The following RAPGEF6 variants were observed in gnomAD, a reference collection of about 807,000 sequenced individuals.
RAPGEF6 encodes Rap guanine nucleotide exchange factor 6.
A neutral mutation model predicts 171.4 loss-of-function variants in RAPGEF6; 56 were observed. The observed-to-expected ratio is 0.33, with a 90% CI of 0.26 to 0.41. The LOEUF (loss-of-function observed/expected upper bound fraction) is 0.41. Among genes scored for constraint, RAPGEF6 ranks in the 10% least tolerant of loss-of-function variants. RAPGEF6 has a pLI of 1.00. For synonymous variants in RAPGEF6, 692 were observed against 650.1 expected, an observed-to-expected ratio of 1.06 and a Z score of -0.98; for missense variants, 1,674 against 1,921.4, an observed-to-expected ratio of 0.87 and a Z score of 2.41.
At chr5:131,478,159 T>C (rs1755235945) in intron 16 of RAPGEF6, among the ~76,000 whole-genome samples, 2 of 152,044 alleles carry the variant, frequency 1.3e-5, no homozygotes, top group Admixed American at 6.5e-5. Flanking sequence ...GAGTTCCAAA[T>C]TAAATGAGGA....
intron 7 of RAPGEF6, among the ~76,000 whole-genome samples, chr5:131,518,892 T>C (rs553743127): frequency 2.0e-5 from 3 of 152,322 alleles, no homozygotes; most frequent in East Asian, 3.9e-4. Flanking sequence ...TTCCCACTTT[T>C]ATTGGTTAAT....
intron 6 of RAPGEF6, among the ~76,000 whole-genome samples, chr5:131,528,870 CAG>C (rs1759171601): frequency 7.2e-5 from 11 of 152,182 alleles, no homozygotes; most frequent in Middle Eastern, 6.8e-3. Context: ...AGGAAGTGAT[CAG>C]CTGTGTCAAG....
chr5:131,430,049 CAA>C (rs200813208), intron 26 of RAPGEF6, among the ~76,000 whole-genome samples: 16 of 86,296 alleles, frequency 1.9e-4, no homozygotes, highest in Admixed American at 1.4e-4. Flanking sequence ...GAGTCCATCT[CAA>C]AAAAAAAAAA....
Position 131,433,427 on chromosome 5 carries a change from T to C in RAPGEF6, c.3974+3A>G, listed in dbSNP as rs374719017. The C allele has an allele frequency of 1.9e-6, 3 of 1,604,962 alleles. No individual in the cohort carries two copies. The African/African-American group carries it at 4.0e-5, about 21-fold the overall frequency. ...TGTTATGAACACAGACAATGATGCTTACCCAGGGCCATGTTGACTATGATC... is the reference window on the plus strand; with the variant it reads ...TGTTATGAACACAGACAATGATGCTCACCCAGGGCCATGTTGACTATGATC... On this transcript the variant is annotated splice_donor_region_variant and intron_variant, in intron 25 of 27. Coordinates refer to ENST00000509018, the MANE Select transcript of RAPGEF6 (RefSeq NM_016340.6).
intron 4 of RAPGEF6, among the ~76,000 whole-genome samples, chr5:131,578,527 C>T (rs1447904536): frequency 6.6e-6 from 1 of 152,192 alleles, no homozygotes; most frequent in African/African-American, 2.4e-5. Flanking sequence ...AGCTGCCACA[C>T]TACTCCGCAT....
chr5:131,581,059 C>T lies in RAPGEF6; in HGVS notation c.281+11324G>A, dbSNP rs1394125595. 3.3e-5 allele frequency among the ~76,000 whole-genome samples: 5 copies of T among 152,254 alleles called. No individual in the cohort carries two copies. The East Asian group carries it at 5.8e-4, about 18-fold the overall frequency. ...CATCTCAACCTCTGTCACAACATTC[C>T]GCAGCCTCTCCAATGACTTCTCTGC... On this transcript the variant is annotated intron_variant, in intron 4 of 27. Coordinates refer to ENST00000509018, the MANE Select transcript of RAPGEF6 (RefSeq NM_016340.6).
rs971925002 is a variant in RAPGEF6 at position 131,603,387 on chromosome 5, T to A, written c.141-60A>T. On this transcript the variant is annotated intron_variant, in intron 2 of 27. Transcript: ENST00000509018. ...ATTTTGTTTTTAAAATTGTTATAATTTGACCTCAACTAATTATTATAATCT... is the reference window on the plus strand; with the variant it reads ...ATTTTGTTTTTAAAATTGTTATAATATGACCTCAACTAATTATTATAATCT... 3.5e-6 allele frequency: 4 copies of A among 1,148,896 alleles called. No individual in the cohort carries two copies. In the African/African-American group the frequency reaches 4.8e-5, roughly 14 times the overall value. 71.2% of individuals were successfully genotyped at this position (1,148,896 alleles called of 1,614,324 possible). A position where few individuals can be genotyped will look rare whatever the true frequency, so the allele number is the denominator to read the frequency against.
At chr5:131,509,420 G>C (rs999921746) in intron 8 of RAPGEF6, among the ~76,000 whole-genome samples, 1 of 152,028 alleles carries the variant, frequency 6.6e-6, no homozygotes, top group Non-Finnish European at 1.5e-5. Flanking sequence ...GCGGGCGCCT[G>C]TAGTCCCAGC....
intron 6 of RAPGEF6, among the ~76,000 whole-genome samples, chr5:131,531,171 C>T (rs1421556472): frequency 6.6e-6 from 1 of 152,176 alleles, no homozygotes; most frequent in Non-Finnish European, 1.5e-5. Context: ...GGATTTCTTC[C>T]TTAGTCACCA....
chr5:131,603,938 C>T (rs1764397913), intron 2 of RAPGEF6, among the ~76,000 whole-genome samples: 1 of 151,966 alleles, frequency 6.6e-6, no homozygotes, highest in Non-Finnish European at 1.5e-5. Context: ...GTGGTGGGAA[C>T]ACATGTTTAA....
intron 6 of RAPGEF6, among the ~76,000 whole-genome samples, chr5:131,540,366 A>G (rs1314845779): frequency 6.6e-6 from 1 of 152,182 alleles, no homozygotes; most frequent in Non-Finnish European, 1.5e-5. Context: ...CCAGGAGTTA[A>G]GACTAGCCTG....
At position 131,577,040 on chromosome 5, in the gene RAPGEF6, C is replaced by G. The variant is rs1762646440; in HGVS notation, c.282-14993G>C. ...GATTGACTTTACCCATATGCCCCGA[C>G]TCAAAAAACTAAGATACCTTTTGGT... On this transcript the variant is annotated intron_variant, in intron 4 of 27. Coordinates refer to ENST00000509018, the MANE Select transcript of RAPGEF6 (RefSeq NM_016340.6). 2.0e-5 allele frequency among the ~76,000 whole-genome samples: 3 copies of G among 152,186 alleles called. No homozygotes were observed. In the East Asian group the frequency reaches 5.8e-4, roughly 29 times the overall value.
intron 17 of RAPGEF6, among the ~76,000 whole-genome samples, chr5:131,466,045 A>C: frequency 6.6e-6 from 1 of 151,050 alleles, no homozygotes; most frequent in Non-Finnish European, 1.5e-5. Flanking sequence ...CAGATATGGC[A>C]GGAAATATTT....
At chr5:131,629,293 A>G (rs780755761) in intron 1 of RAPGEF6, among the ~76,000 whole-genome samples, 2 of 151,980 alleles carry the variant, frequency 1.3e-5, no homozygotes, top group Non-Finnish European at 2.9e-5. Flanking sequence ...CAGTCCAGGC[A>G]ATGTATTGAG....
intron 27 of RAPGEF6, 85 bp downstream of exon 27, chr5:131,428,817 T>C: frequency 7.4e-7 from 1 of 1,344,122 alleles, no homozygotes; most frequent in South Asian, 1.4e-5. Context: ...AAACAATTAC[T>C]AATTACCATA....
chr5:131,493,130 T>C (rs1303902060), intron 13 of RAPGEF6, among the ~76,000 whole-genome samples: 1 of 152,156 alleles, frequency 6.6e-6, no homozygotes, highest in East Asian at 1.9e-4. Context: ...AGTGGCGCGA[T>C]CTCGACTCAC....
chr5:131,507,869 G>A (rs866945857), intron 9 of RAPGEF6, among the ~76,000 whole-genome samples: 11 of 152,046 alleles, frequency 7.2e-5, no homozygotes, highest in Middle Eastern at 3.4e-3. Context: ...AGTCTACTGC[G>A]AATAAATTTA....
intron 26 of RAPGEF6, chr5:131,430,596 A>C: frequency 1.8e-6 from 1 of 567,266 alleles, no homozygotes; most frequent in East Asian, 3.9e-5. Flanking sequence ...ACCAAAAAGA[A>C]CTTAAAAACA....
intron 6 of RAPGEF6, chr5:131,532,074 A>G (rs142153740): frequency 7.0e-6 from 3 of 427,774 alleles, no homozygotes; most frequent in African/African-American, 4.2e-5. Context: ...GATTAAATCA[A>G]TTGCTAAGAA....
Sources: gnomAD v4.1 joint callset for allele counts (sites outside exome capture counted in the v4.1 genomes callset) on GRCh38, gnomAD v4.1.1 for gene constraint, MANE v1.5 for transcripts, NCBI Gene and HGNC (gene_info 2026-07-23, HGNC 2026-07-21) for gene names.